The following HM13 variants were observed in gnomAD, a reference collection of about 807,000 sequenced individuals.
HM13 encodes histocompatibility minor 13.
HM13 carries 18 observed loss-of-function variants against 50.0 expected under a neutral mutation model. The observed-to-expected ratio is 0.36, with a 90% confidence interval of 0.25 to 0.53. The LOEUF is 0.53. Among genes scored for constraint, HM13 ranks in the 20% least tolerant of loss-of-function variants. The pLI is 0.90. For synonymous variants in HM13, 197 were observed against 232.6 expected (o/e 0.85, Z 1.39); for missense variants, 393 against 552.4 (o/e 0.71, Z 2.89).
At chr20:31,555,618 C>T (rs1984268980) in intron 8 of HM13, among the ~76,000 whole-genome samples, 1 of 152,220 alleles carries the variant, frequency 6.6e-6, no homozygotes, top group African/African-American at 2.4e-5. Flanking sequence ...GGGCAGTGAA[C>T]CCAAGGGACA....
chr20:31,549,311 C>G lies in HM13; in HGVS notation c.645C>G (p.Leu215=). Reference sequence around the variant, plus strand: ...CTGGCTGCATCCTGCTGGGCGGACTCTTCATCTACGATGTCTTCTGGGTGA... The same window carrying G: ...CTGGCTGCATCCTGCTGGGCGGACTGTTCATCTACGATGTCTTCTGGGTGA... ...VSTGCILLGG[L]FIYDVFWVFG... The change falls in exon 6 of 13, where the codon CTC becomes CTG. Residue 215 remains leucine, a synonymous_variant. Coordinates refer to ENST00000398174, the MANE Select transcript of HM13 (RefSeq NM_178581.3). The G allele has an allele frequency of 6.2e-7, 1 of 1,614,242 alleles. No individual in the cohort carries two copies. Among genetic ancestry groups the G allele is most frequent in the Non-Finnish European group, 8.5e-7 (1 of 1,180,040 alleles).
rs375710575 is a variant in HM13 at position 31,518,953 on chromosome 20, A to G, written c.183+4219A>G. 6.6e-5 allele frequency among the ~76,000 whole-genome samples: 10 copies of G among 152,232 alleles called. No individual in the cohort carries two copies. The East Asian group carries it at 1.2e-3, about 18-fold the overall frequency. On this transcript the variant is annotated intron_variant, in intron 1 of 12. Transcript: ENST00000398174. ...CCATGGTACAGAATTCAAAAGGTAC[A>G]AAGGGGTGCACAGTGAAAGTCTCCC...
At chr20:31,566,919 C>A (rs1984953111) in intron 11 of HM13, among the ~76,000 whole-genome samples, 1 of 152,170 alleles carries the variant, frequency 6.6e-6, no homozygotes, top group Non-Finnish European at 1.5e-5. Flanking sequence ...GCACTGCCGA[C>A]CCTGCCTGCC....
At chr20:31,518,648 AAATAAT>A (rs929331331) in intron 1 of HM13, among the ~76,000 whole-genome samples, 2 of 151,406 alleles carry the variant, frequency 1.3e-5, no homozygotes, top group African/African-American at 4.8e-5. Context: ...TCCATCTCAA[AAATAAT>A]AATAATAATA....
At chr20:31,566,363 G>T in intron 11 of HM13, 68 bp downstream of exon 11, 1 of 1,284,720 alleles carries the variant, frequency 7.8e-7, no homozygotes, top group Non-Finnish European at 1.1e-6. Flanking sequence ...AGTGGAACCT[G>T]CTGGGGGTAT....
chr20:31,527,813 G>T (rs1411324217), intron 2 of HM13: 3 of 477,456 alleles, frequency 6.3e-6, no homozygotes, highest in Non-Finnish European at 1.1e-5. Context: ...TTGTTTTTGT[G>T]ATATCAGTTT....
intron 3 of HM13, among the ~76,000 whole-genome samples, chr20:31,543,416 G>A (rs1437965772): frequency 6.6e-6 from 1 of 152,096 alleles, no homozygotes; most frequent in African/African-American, 2.4e-5. Flanking sequence ...CTCCTGAGTA[G>A]CTGGGATTAC....
chr20:31,547,106 AAG>A (rs1983767448), intron 4 of HM13, among the ~76,000 whole-genome samples: 1 of 152,140 alleles, frequency 6.6e-6, no homozygotes, highest in African/African-American at 2.4e-5. Flanking sequence ...ATTTAGCTAT[AAG>A]AGAAGCTGGA....
Position 31,569,369 on chromosome 20 carries a change from CCT to C in HM13, c.*153_*154del. 1.9e-6 allele frequency: 1 copy of C among 524,174 alleles called. No homozygotes were observed. Among genetic ancestry groups the C allele is most frequent in the Non-Finnish European group, 3.5e-6 (1 of 284,976 alleles). 32.5% of individuals were successfully genotyped at this position (524,174 alleles called of 1,614,324 possible). A position where few individuals can be genotyped will look rare whatever the true frequency, so the allele number is the denominator to read the frequency against. The stretch of plus-strand genomic sequence containing the variant: ...GATACCTCCAGCCAGGCCTCTGTGG[CCT>C]CTGTTTCCTTCTCCCTTTCTTGGCC... On this transcript the variant is annotated 3_prime_UTR_variant, in exon 13 of 13. Coordinates refer to ENST00000398174, the MANE Select transcript of HM13 (RefSeq NM_178581.3).
intron 6 of HM13, 35 bp from the exon 7 acceptor site, chr20:31,550,029 C>CT (rs766363433): frequency 1.3e-6 from 2 of 1,547,706 alleles, no homozygotes; most frequent in Non-Finnish European, 1.8e-6. Context: ...CAGCCCCTCA[C>CT]TTCCCTTCAT....
intron 1 of HM13, among the ~76,000 whole-genome samples, chr20:31,521,332 C>T (rs1039703541): frequency 1.3e-5 from 2 of 152,202 alleles, no homozygotes; most frequent in Admixed American, 1.3e-4. Context: ...TGGACTGCCT[C>T]AGTTTCAGTC....
At chr20:31,553,088 G>T (rs1408693621) in intron 7 of HM13, among the ~76,000 whole-genome samples, 7 of 152,018 alleles carry the variant, frequency 4.6e-5, no homozygotes, top group Admixed American at 4.6e-4. Context: ...ACAAGGTCAG[G>T]AATTCGAGAC....
intron 2 of HM13, among the ~76,000 whole-genome samples, chr20:31,531,148 G>A (rs534814316): frequency 1.3e-5 from 2 of 151,744 alleles, no homozygotes; most frequent in African/African-American, 4.8e-5. Flanking sequence ...AGGTTCAAAC[G>A]ATTCTCCTGC....
intron 7 of HM13, among the ~76,000 whole-genome samples, chr20:31,553,244 C>T (rs543825934): frequency 1.4e-5 from 2 of 145,306 alleles, no homozygotes; most frequent in Middle Eastern, 3.8e-3. Flanking sequence ...TGCAGTGAGC[C>T]GATATTGCGC....
Position 31,569,204 on chromosome 20 carries a change from G to T in HM13, c.1266G>T (p.Glu422Asp), listed in dbSNP as rs1568804019. ...AGGCATCAGCATCGAAGGGGCTGGA[G>T]AAGAAAGAGAAATGATGCAGCTGGT... is the stretch of plus-strand genomic sequence containing the variant. ...GTEASASKGL[E>D]KKEK Residue 422 changes from glutamate to aspartate, a missense_variant, in exon 13 of 13, where the codon GAG becomes GAT. By Grantham distance (45) the Glu-to-Asp change is conservative. Around this residue, in one of 3 missense-constraint regions of HM13, gnomAD observed 105 missense variants for 115.9 expected, o/e 0.91. Coordinates refer to ENST00000398174, the MANE Select transcript of HM13 (RefSeq NM_178581.3). 1 of 1,593,118 alleles carries T rather than the reference G, an allele frequency of 6.3e-7. No individual in the cohort carries two copies. The highest frequency in any genetic ancestry group is 2.3e-5 in the East Asian group (1 of 44,346).
chr20:31,569,301 C>G lies in HM13; in HGVS notation c.*82C>G. 1.0e-6 allele frequency: 1 copy of G among 975,092 alleles called. No individual in the cohort carries two copies. The highest frequency in any genetic ancestry group is 1.4e-5 in the South Asian group (1 of 70,444). 60.4% of individuals were successfully genotyped at this position (975,092 alleles called of 1,614,324 possible). A position where few individuals can be genotyped will look rare whatever the true frequency, so the allele number is the denominator to read the frequency against. On this transcript the variant is annotated 3_prime_UTR_variant, in exon 13 of 13. Coordinates refer to ENST00000398174, the MANE Select transcript of HM13 (RefSeq NM_178581.3). ...CACAGGCGTGCACCGGTAGAGGGCACAGGAGGCCAAGGGCAGCTCCAGGAC... is the reference window on the plus strand; with the variant it reads ...CACAGGCGTGCACCGGTAGAGGGCAGAGGAGGCCAAGGGCAGCTCCAGGAC...
At chr20:31,554,612 A>T (rs1469166781) in intron 7 of HM13, 134 bp from the exon 8 acceptor site, 4 of 643,434 alleles carry the variant, frequency 6.2e-6, no homozygotes, top group Non-Finnish European at 8.0e-6. Flanking sequence ...AACCCAGGAG[A>T]TGGAGCTTGC....
chr20:31,529,420 A>G (rs1381577185), intron 2 of HM13, among the ~76,000 whole-genome samples: 1 of 147,976 alleles, frequency 6.8e-6, no homozygotes, highest in African/African-American at 2.5e-5. Flanking sequence ...TAATTTTCAT[A>G]TTTTTAGTGG....
At chr20:31,544,514 G>T (rs1001909066) in intron 3 of HM13, among the ~76,000 whole-genome samples, 2 of 152,138 alleles carry the variant, frequency 1.3e-5, no homozygotes, top group Non-Finnish European at 2.9e-5. Flanking sequence ...AGTGGGGTGG[G>T]GGTGACTGTC....
Sources: gnomAD v4.1 joint callset for allele counts (sites outside exome capture counted in the v4.1 genomes callset) on GRCh38, gnomAD v4.1.1 for gene constraint, gnomAD v4.1.1 regional missense constraint, MANE v1.5 for transcripts, NCBI Gene and HGNC (gene_info 2026-07-23, HGNC 2026-07-21) for gene names.